USP49: variants seen among roughly 807,000 people sequenced by gnomAD.
The protein encoded by USP49 is ubiquitin specific peptidase 49.
Under a neutral mutation model 58.6 loss-of-function variants are expected in USP49, and 24 were observed. The ratio of observed to expected loss-of-function variants is 0.41; its 90% CI spans 0.30 to 0.58. USP49 has a LOEUF of 0.58. USP49 is among the 20% of genes least tolerant of loss of function. The pLI is 0.30. For synonymous variants in USP49, 408 were observed against 365.1 expected, an observed-to-expected ratio of 1.12 and a Z score of -1.34; for missense variants, 703 against 866.1, an observed-to-expected ratio of 0.81 and a Z score of 2.36.
intron 3 of USP49, among the ~76,000 whole-genome samples, chr6:41,823,017 G>A (rs528485108): frequency 6.6e-6 from 1 of 152,226 alleles, no homozygotes; most frequent in African/African-American, 2.4e-5. Context: ...GCCATACATG[G>A]AAACCACCAG....
chr6:41,874,436 G>T (rs2127360499), intron 2 of USP49, among the ~76,000 whole-genome samples: 1 of 152,266 alleles, frequency 6.6e-6, no homozygotes, highest in East Asian at 1.9e-4. Context: ...TAACAATGAT[G>T]ATGATGATGG....
At chr6:41,818,361 G>A (rs774750594) in intron 3 of USP49, among the ~76,000 whole-genome samples, 8 of 151,858 alleles carry the variant, frequency 5.3e-5, no homozygotes, top group Admixed American at 6.6e-5. Context: ...ACACACATGC[G>A]CACACACACA....
chr6:41,876,795 A>G (rs961124604), intron 2 of USP49, among the ~76,000 whole-genome samples: 1 of 152,228 alleles, frequency 6.6e-6, no homozygotes, highest in African/African-American at 2.4e-5. Context: ...AAAAATTTAC[A>G]TGCATTTACA....
At chr6:41,864,920 G>A (rs562983896) in intron 3 of USP49, among the ~76,000 whole-genome samples, 29 of 152,116 alleles carry the variant, frequency 1.9e-4, no homozygotes, top group African/African-American at 6.5e-4. Context: ...AAATTACAGG[G>A]TTTGGGGAAC....
At chr6:41,859,933 T>C (rs1774191751) in intron 3 of USP49, among the ~76,000 whole-genome samples, 1 of 152,226 alleles carries the variant, frequency 6.6e-6, no homozygotes, top group Non-Finnish European at 1.5e-5. Context: ...GTCTAAATGT[T>C]GTATATCCTA....
chr6:41,796,738 G>A lies in USP49; in HGVS notation c.1877-15C>T, dbSNP rs1456678032. On this transcript the variant is annotated splice_polypyrimidine_tract_variant and intron_variant, in intron 7 of 7. Transcript: ENST00000682992. Reference sequence around the variant, plus strand: ...GACCCAAAAACCTAGGAAACCAAAGGAGAAAAAGAGAGAAAATGACTACCC... The same window carrying A: ...GACCCAAAAACCTAGGAAACCAAAGAAGAAAAAGAGAGAAAATGACTACCC... 4.2e-6 allele frequency: 3 copies of A among 711,996 alleles called. No individual in the cohort carries two copies. Among genetic ancestry groups the A allele is most frequent in the Admixed American group, 2.1e-5 (1 of 48,318 alleles). 44.1% of individuals were successfully genotyped at this position (711,996 alleles called of 1,614,324 possible). A position where few individuals can be genotyped will look rare whatever the true frequency, so the allele number is the denominator to read the frequency against.
chr6:41,826,838 C>T (rs1006537703), intron 3 of USP49, among the ~76,000 whole-genome samples: 5 of 152,088 alleles, frequency 3.3e-5, no homozygotes, highest in Admixed American at 6.6e-5. Flanking sequence ...GACTGCCTGA[C>T]CACAAATTGA....
chr6:41,870,569 C>T (rs573103351), intron 3 of USP49, among the ~76,000 whole-genome samples: 1 of 152,186 alleles, frequency 6.6e-6, no homozygotes, highest in African/African-American at 2.4e-5. Flanking sequence ...GAAGGTCTTG[C>T]TCTGTTGCCC....
chr6:41,831,227 T>C (rs1773628015), intron 3 of USP49, among the ~76,000 whole-genome samples: 1 of 151,940 alleles, frequency 6.6e-6, no homozygotes, highest in African/African-American at 2.4e-5. Flanking sequence ...CCGTCTCTAC[T>C]AAAAATACAA....
chr6:41,861,465 C>T (rs1021226039), intron 3 of USP49, among the ~76,000 whole-genome samples: 6 of 151,950 alleles, frequency 3.9e-5, no homozygotes, highest in African/African-American at 9.7e-5. Context: ...TAAATAAATC[C>T]AATATAAGTA....
chr6:41,851,413 C>T (rs1253724203), intron 3 of USP49, among the ~76,000 whole-genome samples: 1 of 152,112 alleles, frequency 6.6e-6, no homozygotes, highest in Non-Finnish European at 1.5e-5. Context: ...AAAAAAGGCA[C>T]TGGACAAGAT....
intron 5 of USP49, among the ~76,000 whole-genome samples, chr6:41,802,451 T>TATTTATTTATTTA (rs1773027442): frequency 1.1e-5 from 1 of 88,444 alleles, no homozygotes; most frequent in South Asian, 3.7e-4. Flanking sequence ...TTTATTTATT[T>TATTTATTTATTTA]ATTTATTTAT....
chr6:41,857,965 T>C (rs978833790), intron 3 of USP49, among the ~76,000 whole-genome samples: 1 of 152,204 alleles, frequency 6.6e-6, no homozygotes, highest in Non-Finnish European at 1.5e-5. Context: ...ACTATGATAA[T>C]GTCAACCAGG....
chr6:41,856,786 G>GA (rs1245756009), intron 3 of USP49, among the ~76,000 whole-genome samples: 1 of 152,184 alleles, frequency 6.6e-6, no homozygotes, highest in Admixed American at 6.5e-5. Flanking sequence ...GAGAGACAGA[G>GA]AAAGACCACA....
intron 3 of USP49, among the ~76,000 whole-genome samples, chr6:41,849,310 TAGAC>T (rs780794489): frequency 7.2e-5 from 11 of 152,242 alleles, no homozygotes; most frequent in East Asian, 1.9e-4. Context: ...GAAATAAACT[TAGAC>T]AGAATTGAAG....
intron 2 of USP49, among the ~76,000 whole-genome samples, chr6:41,881,421 T>G (rs1774606865): frequency 7.0e-6 from 1 of 143,858 alleles, no homozygotes; most frequent in Admixed American, 7.2e-5. Flanking sequence ...AGTCTTAACA[T>G]AAATAAAAAC....
intron 3 of USP49, among the ~76,000 whole-genome samples, chr6:41,862,047 G>T (rs932344940): frequency 6.6e-6 from 1 of 152,134 alleles, no homozygotes; most frequent in African/African-American, 2.4e-5. Flanking sequence ...GCTATGAACT[G>T]CATAATGCAT....
At chr6:41,870,888 C>A (rs564552259) in intron 3 of USP49, among the ~76,000 whole-genome samples, 2 of 151,440 alleles carry the variant, frequency 1.3e-5, no homozygotes, top group African/African-American at 4.9e-5. Flanking sequence ...CCCGTTTCTA[C>A]AAAAATACAA....
intron 3 of USP49, among the ~76,000 whole-genome samples, chr6:41,810,383 G>A (rs1408439038): frequency 3.3e-5 from 5 of 149,328 alleles, no homozygotes; most frequent in Non-Finnish European, 7.4e-5. Context: ...CCAGCTATTC[G>A]GGAAGCTGAG....
Sources: allele counts gnomAD v4.1 joint callset (sites outside exome capture counted in the v4.1 genomes callset), GRCh38; gene constraint gnomAD v4.1.1; transcripts MANE v1.5; gene names NCBI Gene and HGNC (gene_info 2026-07-23, HGNC 2026-07-21).